The following NPNT variants were observed in gnomAD, a reference collection of about 807,000 sequenced individuals.
NPNT encodes the protein preosteoblast EGF-like repeat protein with MAM domain.
A neutral mutation model predicts 68.6 loss-of-function variants in NPNT; 45 were observed. That is an observed-to-expected ratio of 0.66 (90% CI 0.52 to 0.84). The LOEUF (loss-of-function observed/expected upper bound fraction) is 0.84. Ranked by LOEUF, NPNT falls within the 40% of genes least tolerant of loss-of-function variation. The pLI, the probability that NPNT is intolerant of heterozygous loss-of-function variation, is 0.00. For synonymous variants in NPNT, 233 were observed against 253.3 expected, an observed-to-expected ratio of 0.92 and a Z score of 0.76; for missense variants, 672 against 714.8, an observed-to-expected ratio of 0.94 and a Z score of 0.68.
intron 2 of NPNT, among the ~76,000 whole-genome samples, chr4:105,908,407 G>A (rs1436088072): frequency 6.6e-6 from 1 of 152,032 alleles, no homozygotes; most frequent in Non-Finnish European, 1.5e-5. Flanking sequence ...CACAAGATTA[G>A]GGTTGCCTTT....
Position 105,937,126 on chromosome 4 carries a change from C to T in NPNT, c.383C>T (p.Ser128Leu). The T allele has an allele frequency of 1.2e-6, 2 of 1,612,914 alleles. No individual in the cohort carries two copies. Among genetic ancestry groups the T allele is most frequent in the Middle Eastern group, 1.7e-4 (1 of 6,058 alleles). Residue 128 changes from serine (S) to leucine (L), a missense_variant and splice_region_variant, in exon 4 of 12, where the codon TCA becomes TTA. Physicochemically the swap from Ser to Leu is moderately radical, Grantham distance 145. Transcript: ENST00000379987. Reference protein sequence around the residue: ...GYMLMPDGSCSSALTCSMANC... With the variant: ...GYMLMPDGSCLSALTCSMANC... Reference sequence around the variant, plus strand: ...ATGCTCATGCCGGATGGTTCCTGCTCAAGTATGTCAAGAATCTTAACTGTT... The same window carrying T: ...ATGCTCATGCCGGATGGTTCCTGCTTAAGTATGTCAAGAATCTTAACTGTT...
At chr4:105,963,552 G>C (rs1731897517) in intron 10 of NPNT, among the ~76,000 whole-genome samples, 1 of 151,980 alleles carries the variant, frequency 6.6e-6, no homozygotes, top group Admixed American at 6.6e-5. Flanking sequence ...CTAAGAAATG[G>C]AAAATTGTGC....
chr4:105,898,052 C>T (rs754239149), intron 2 of NPNT, 51 bp downstream of exon 2: 13 of 1,254,170 alleles, frequency 1.0e-5, no homozygotes, highest in Non-Finnish European at 1.5e-5. Flanking sequence ...TGGCTTTCCA[C>T]CTTGTTCATG....
At chr4:105,957,924 TTTG>T (rs1412042291) in intron 8 of NPNT, among the ~76,000 whole-genome samples, 11 of 152,028 alleles carry the variant, frequency 7.2e-5, no homozygotes, top group African/African-American at 2.7e-4. Context: ...GCCCAAGAAG[TTTG>T]AGTTTGATCT....
intron 10 of NPNT, among the ~76,000 whole-genome samples, chr4:105,963,398 A>G (rs967390283): frequency 1.3e-5 from 2 of 152,180 alleles, no homozygotes; most frequent in Non-Finnish European, 2.9e-5. Flanking sequence ...AAATATTCTT[A>G]TATGCTAATA....
intron 2 of NPNT, among the ~76,000 whole-genome samples, chr4:105,898,328 GTCTCTCTCTC>G (rs66945682): frequency 0.023 from 1,243 of 53,932 alleles, 3 homozygotes; most frequent in South Asian, 0.073. Context: ...CTCTCTCTCT[GTCTCTCTCTC>G]TCTCTCTCTC....
In NPNT at chr4:105,921,491, G is replaced by T. The variant is rs535205830; in HGVS notation, c.173-5845G>T. ...GGTTTTGAGTTCTGTATTCATGAGGGCATTTAATGTGTCTTATAGTGATAA... is the reference window on the plus strand; with the variant it reads ...GGTTTTGAGTTCTGTATTCATGAGGTCATTTAATGTGTCTTATAGTGATAA... On this transcript the variant is annotated intron_variant, in intron 2 of 11. Transcript: ENST00000379987. Among the ~76,000 whole-genome samples, 7 of 152,238 alleles carry T rather than the reference G, an allele frequency of 4.6e-5. No individual in the cohort carries two copies. In the South Asian group the frequency reaches 1.0e-3, roughly 23 times the overall value.
rs773289544 is a variant in NPNT at position 105,897,925 on chromosome 4, G to A, written c.96G>A (p.Ser32=). 5.0e-6 allele frequency: 8 copies of A among 1,613,308 alleles called. No homozygotes were observed. Among genetic ancestry groups the A allele is most frequent in the South Asian group, 2.2e-5 (2 of 91,054 alleles). Residue 32 remains serine, a synonymous_variant, in exon 2 of 12, where the codon TCG becomes TCA. Transcript: ENST00000379987. The part of the protein sequence containing the change: ...DGRWPRQIVS[S]IGLCRYGGRI... ...GGTGGCCCAGGCAAATAGTGTCATC[G>A]ATTGGCCTATGTCGTTATGGTGGGA... is the stretch of plus-strand genomic sequence containing the variant.
rs1289741434 is a variant in NPNT, at chr4:105,897,951, G to A, written c.122G>A (p.Arg41Lys). The A allele has an allele frequency of 2.5e-6, 4 of 1,613,498 alleles. No homozygotes were observed. Among genetic ancestry groups the A allele is most frequent in the Admixed American group, 1.7e-5 (1 of 59,922 alleles). The change falls in exon 2 of 12, where the codon AGG becomes AAG. Residue 41 changes from arginine to lysine, a missense_variant. Transcript: ENST00000379987. Reference sequence around the variant, plus strand: ...ATTGGCCTATGTCGTTATGGTGGGAGGATTGACTGCTGCTGGGGCTGGGCT... The same window carrying A: ...ATTGGCCTATGTCGTTATGGTGGGAAGATTGACTGCTGCTGGGGCTGGGCT... ...SSIGLCRYGG[R>K]IDCCWGWARQ...
At chr4:105,902,101 T>G (rs1726469104) in intron 2 of NPNT, among the ~76,000 whole-genome samples, 1 of 152,228 alleles carries the variant, frequency 6.6e-6, no homozygotes, top group South Asian at 2.1e-4. Flanking sequence ...GATTTATTTT[T>G]GCTCCCTAAA....
At chr4:105,935,319 A>G (rs746465163) in intron 3 of NPNT, among the ~76,000 whole-genome samples, 12 of 152,220 alleles carry the variant, frequency 7.9e-5, no homozygotes, top group African/African-American at 1.9e-4. Flanking sequence ...GCTATTTGCT[A>G]TAATATCAAG....
At chr4:105,914,485 A>T (rs1553975299) in intron 2 of NPNT, among the ~76,000 whole-genome samples, 1 of 140,348 alleles carries the variant, frequency 7.1e-6, no homozygotes, top group Non-Finnish European at 1.5e-5. Context: ...ATATATAGAG[A>T]GAGAGATAAT....
intron 2 of NPNT, among the ~76,000 whole-genome samples, chr4:105,921,157 C>T (rs1243022123): frequency 6.6e-6 from 1 of 152,020 alleles, no homozygotes; most frequent in Admixed American, 6.6e-5. Flanking sequence ...TACTTAAATA[C>T]TTTTATGTTT....
chr4:105,964,860 T>C (rs917057761), intron 10 of NPNT, among the ~76,000 whole-genome samples: 1 of 152,260 alleles, frequency 6.6e-6, no homozygotes, highest in Non-Finnish European at 1.5e-5. Context: ...TAAATGGTTA[T>C]TGGCATACTT....
rs767960826 is a variant in NPNT, at chr4:105,967,156, A to G, written c.1346-32A>G. 8.1e-6 allele frequency: 13 copies of G among 1,608,880 alleles called. No homozygotes were observed. The South Asian group carries it at 1.2e-4, about 15-fold the overall frequency. ...GCTTGTTCTAGAAAGGGATATTGGCACATACACACAGCCCTGCTTTTCCCA... is the reference window on the plus strand; with the variant it reads ...GCTTGTTCTAGAAAGGGATATTGGCGCATACACACAGCCCTGCTTTTCCCA... On this transcript the variant is annotated intron_variant, in intron 10 of 11. Coordinates refer to ENST00000379987, the MANE Select transcript of NPNT (RefSeq NM_001033047.3).
At chr4:105,932,478 T>C in intron 3 of NPNT, 1 of 536,012 alleles carries the variant, frequency 1.9e-6, no homozygotes, top group Non-Finnish European at 3.3e-6. Context: ...AACTATTGTT[T>C]ATAAAGTATC....
intron 2 of NPNT, among the ~76,000 whole-genome samples, chr4:105,925,336 T>C (rs990980136): frequency 3.3e-5 from 5 of 152,048 alleles, no homozygotes; most frequent in African/African-American, 1.2e-4. Flanking sequence ...AAATACCTCC[T>C]ACAGAGCACT....
chr4:105,917,886 C>T (rs1727946583), intron 2 of NPNT, among the ~76,000 whole-genome samples: 1 of 152,088 alleles, frequency 6.6e-6, no homozygotes, highest in African/African-American at 2.4e-5. Flanking sequence ...TACTGAATGC[C>T]ATGCTGAGTG....
chr4:105,959,368 C>G (rs1226665933), intron 10 of NPNT, among the ~76,000 whole-genome samples: 9 of 152,108 alleles, frequency 5.9e-5, no homozygotes, highest in Non-Finnish European at 1.5e-5. Flanking sequence ...TAATTTCTCT[C>G]AAAAAGCTTG....
Sources: allele counts gnomAD v4.1 joint callset (sites outside exome capture counted in the v4.1 genomes callset), GRCh38; gene constraint gnomAD v4.1.1; transcripts MANE v1.5; gene names NCBI Gene and HGNC (gene_info 2026-07-23, HGNC 2026-07-21).